The following GALNT13 variants were observed in gnomAD, a reference collection of about 807,000 sequenced individuals.
GALNT13 encodes the protein UDP-GalNAc:polypeptide N-acetylgalactosaminyltransferase 13.
In GALNT13, 28 loss-of-function variants were observed where a neutral mutation model predicts 64.2. That is an observed-to-expected ratio of 0.44 (90% CI 0.32 to 0.60). GALNT13 has a LOEUF of 0.60. Ranked by LOEUF, GALNT13 falls within the 20% of genes least tolerant of loss-of-function variation. The pLI, the probability that GALNT13 is intolerant of heterozygous loss-of-function variation, is 0.05. For synonymous variants in GALNT13, 214 were observed against 224.6 expected (o/e 0.95, Z 0.42); for missense variants, 577 against 669.8 (o/e 0.86, Z 1.53).
At chr2:153,754,732 C>A in the GALNT13 span, among the ~76,000 whole-genome samples, 1 of 152,048 alleles carries the variant, frequency 6.6e-6, no homozygotes, top group Non-Finnish European at 1.5e-5. Flanking sequence ...TGGTTCTAGG[C>A]CCAGTTCAAC....
At chr2:153,102,469 G>T in the GALNT13 span, among the ~76,000 whole-genome samples, 1 of 151,904 alleles carries the variant, frequency 6.6e-6, no homozygotes, top group African/African-American at 2.4e-5. Context: ...CCAATTTTCA[G>T]TTTAAAAAAT....
chr2:154,301,380 T>C, intron 8 of GALNT13, 29 bp from the exon 9 acceptor site: 1 of 1,579,430 alleles, frequency 6.3e-7, no homozygotes, highest in African/African-American at 1.3e-5. Flanking sequence ...TATTATTGCA[T>C]TATTTACAAT....
At chr2:153,517,032 G>C in the GALNT13 span, among the ~76,000 whole-genome samples, 1 of 152,070 alleles carries the variant, frequency 6.6e-6, no homozygotes, top group Admixed American at 6.5e-5. Flanking sequence ...ACTATGGCCA[G>C]TCTTCTCTGC....
the GALNT13 span, among the ~76,000 whole-genome samples, chr2:153,794,103 A>C: frequency 6.6e-6 from 1 of 152,220 alleles, no homozygotes; most frequent in African/African-American, 2.4e-5. Flanking sequence ...TCTGGAAGCC[A>C]AGAAAAAAAG....
the GALNT13 span, among the ~76,000 whole-genome samples, chr2:153,623,078 G>A: frequency 5.3e-5 from 8 of 152,082 alleles, no homozygotes; most frequent in African/African-American, 1.9e-4. Context: ...CTGATGCTTA[G>A]CTATTTATTT....
intron 3 of GALNT13, among the ~76,000 whole-genome samples, chr2:154,043,416 A>T (rs868644816): frequency 0.045 from 1,064 of 23,634 alleles, 48 homozygotes; most frequent in African/African-American, 0.17. Context: ...AAGGACTTTT[A>T]TATATATATA....
At chr2:154,427,958 A>G (rs2105440880) in intron 11 of GALNT13, among the ~76,000 whole-genome samples, 1 of 152,354 alleles carries the variant, frequency 6.6e-6, no homozygotes, top group East Asian at 1.9e-4. Flanking sequence ...AATAATTCAC[A>G]TTGCTAAAGG....
the GALNT13 span, among the ~76,000 whole-genome samples, chr2:153,344,239 A>G: frequency 6.6e-6 from 1 of 152,214 alleles, no homozygotes; most frequent in Admixed American, 6.5e-5. Flanking sequence ...AAGTTCCACC[A>G]TTTGTCTCAA....
chr2:154,185,241 T>C lies in GALNT13; in HGVS notation c.311+44736T>C, dbSNP rs1381331535. Among the ~76,000 whole-genome samples, 6 of 152,208 alleles carry C rather than the reference T, an allele frequency of 3.9e-5. No individual in the cohort carries two copies. The East Asian group carries it at 1.2e-3, about 29-fold the overall frequency. On this transcript the variant is annotated intron_variant, in intron 4 of 12. Transcript: ENST00000392825. ...AATTTCATGAAGTTTCCTTTGTTTC[T>C]GATAAATTGCTTTTCTATTACTGCT...
At chr2:153,654,019 A>G in the GALNT13 span, among the ~76,000 whole-genome samples, 1 of 152,130 alleles carries the variant, frequency 6.6e-6, no homozygotes, top group Non-Finnish European at 1.5e-5. Context: ...CCCATTTGGG[A>G]CAATCATATA....
In GALNT13 at chr2:154,408,967, T is replaced by C. The variant is rs1415706819; in HGVS notation, c.1297-17T>C. 6.7e-7 allele frequency: 1 copy of C among 1,488,646 alleles called. No individual in the cohort carries two copies. Among genetic ancestry groups the C allele is most frequent in the Non-Finnish European group, 9.4e-7 (1 of 1,068,118 alleles). The allele number at this position is 1,488,646 out of a possible 1,614,324, so 92.2% of individuals were successfully genotyped here. On this transcript the variant is annotated splice_polypyrimidine_tract_variant and intron_variant, in intron 10 of 12. Coordinates refer to ENST00000392825, the MANE Select transcript of GALNT13 (RefSeq NM_052917.4). ...TGATTTATGTTTTATCCCCCCCCTT[T>C]TGTGTGTTTCCTTTAGATAAGAAAT...
chr2:154,410,496 G>A (rs1699744055), intron 11 of GALNT13, among the ~76,000 whole-genome samples: 1 of 151,878 alleles, frequency 6.6e-6, no homozygotes. Flanking sequence ...GAATATCAAA[G>A]TCAGGGAAGA....
In GALNT13 at chr2:154,392,856, GT is replaced by G. The variant is rs554354399; in HGVS notation, c.1157-3134del. On this transcript the variant is annotated intron_variant, in intron 9 of 12. Coordinates refer to ENST00000392825, the MANE Select transcript of GALNT13 (RefSeq NM_052917.4). ...TAGTTAGGAGACTATTGCAATGCTA[GT>G]GTAAGCAAGAGATAGGAGAAGTTAG... Among the ~76,000 whole-genome samples, 1,357 of 152,334 alleles carry G rather than the reference GT, an allele frequency of 8.9e-3. 9 individuals are homozygous for G. Among genetic ancestry groups the G allele is most frequent in the Middle Eastern group, 0.031 (9 of 294 alleles).
chr2:153,425,223 AAAT>A, the GALNT13 span, among the ~76,000 whole-genome samples: 2 of 151,748 alleles, frequency 1.3e-5, no homozygotes, highest in Admixed American at 1.3e-4. Flanking sequence ...CTTTTTGAAA[AAAT>A]AGAGAAAATT....
the GALNT13 span, among the ~76,000 whole-genome samples, chr2:153,369,056 C>A: frequency 6.6e-6 from 1 of 151,898 alleles, no homozygotes; most frequent in African/African-American, 2.4e-5. Flanking sequence ...AATTAAGTAT[C>A]ATACTTCTAA....
chr2:153,246,500 T>C, the GALNT13 span, among the ~76,000 whole-genome samples: 2 of 152,162 alleles, frequency 1.3e-5, no homozygotes, highest in East Asian at 3.8e-4. Flanking sequence ...TATTCAACAT[T>C]CTTAAAGAAA....
the GALNT13 span, among the ~76,000 whole-genome samples, chr2:153,450,899 G>A: frequency 6.6e-6 from 1 of 152,132 alleles, no homozygotes; most frequent in Admixed American, 6.5e-5. Flanking sequence ...TCAAAAGATG[G>A]ATGAAAGTAA....
At chr2:153,283,600 G>A in the GALNT13 span, among the ~76,000 whole-genome samples, 1 of 151,970 alleles carries the variant, frequency 6.6e-6, no homozygotes, top group Admixed American at 6.5e-5. Context: ...AGTGGAGAGG[G>A]CCCCACTTCA....
At chr2:154,133,580 ATAT>A (rs1240253834) in intron 3 of GALNT13, among the ~76,000 whole-genome samples, 11 of 123,574 alleles carry the variant, frequency 8.9e-5, no homozygotes, top group African/African-American at 3.8e-4. Flanking sequence ...ATATATATAT[ATAT>A]ATCTGAGATG....
Sources: allele counts gnomAD v4.1 joint callset (sites outside exome capture counted in the v4.1 genomes callset), GRCh38; gene constraint gnomAD v4.1.1; transcripts MANE v1.5; gene names NCBI Gene and HGNC (gene_info 2026-07-23, HGNC 2026-07-21).